Variants in MRC1 observed in about 807,000 individuals in gnomAD.
MRC1 encodes mannose receptor C-type 1.
MRC1 carries 62 observed loss-of-function variants against 102.9 expected under a neutral mutation model. That is an observed-to-expected ratio of 0.60 (90% CI 0.49 to 0.74). The LOEUF (loss-of-function observed/expected upper bound fraction) is 0.74. MRC1 is among the 30% of genes least tolerant of loss of function. The pLI is 0.00. For missense variants in MRC1, 1,237 were observed against 862.8 expected (o/e 1.43, Z -5.43); for synonymous variants, 457 against 298.4 (o/e 1.53, Z -5.48).
At chr10:17,814,081 G>T (rs1838269178) in intron 1 of MRC1, among the ~76,000 whole-genome samples, 1 of 152,040 alleles carries the variant, frequency 6.6e-6, no homozygotes. Flanking sequence ...TAGACCTCAG[G>T]GACCCATAGC....
chr10:17,863,765 C>A, intron 11 of MRC1, 83 bp downstream of exon 11: 1 of 721,838 alleles, frequency 1.4e-6, no homozygotes. Flanking sequence ...GGTATCTCTG[C>A]AAATAGACTA....
rs993837634 is a variant in MRC1 at position 17,889,606 on chromosome 10, T to C, written c.3147+4171T>C. On this transcript the variant is annotated intron_variant, in intron 22 of 29. Transcript: ENST00000569591. Reference sequence around the variant, plus strand: ...AACAAACTTTCTTTAGTGGTTGCTCTTGAGTTTGCAGTATATATTTACAAC... The same window carrying C: ...AACAAACTTTCTTTAGTGGTTGCTCCTGAGTTTGCAGTATATATTTACAAC... Among the ~76,000 whole-genome samples the C allele has an allele frequency of 2.2e-3, 329 of 152,326 alleles. 1 individual carries two copies. Among genetic ancestry groups the C allele is most frequent in the African/African-American group, 7.4e-3 (308 of 41,574 alleles).
chr10:17,903,703 T>G (rs1443245394), intron 26 of MRC1, among the ~76,000 whole-genome samples: 2 of 152,164 alleles, frequency 1.3e-5, no homozygotes, highest in African/African-American at 4.8e-5. Flanking sequence ...GCCTCCATTT[T>G]AATTTTCTTG....
chr10:17,897,908 A>G, intron 23 of MRC1, 126 bp from the exon 24 acceptor site: 2 of 748,332 alleles, frequency 2.7e-6, no homozygotes, highest in Non-Finnish European at 4.9e-6. Context: ...AATATTTCTA[A>G]CAGCTGAATG....
chr10:17,894,159 A>G (rs1033421781), intron 22 of MRC1, 51 bp from the exon 23 acceptor site: 22 of 865,422 alleles, frequency 2.5e-5, no homozygotes, highest in African/African-American at 4.9e-5. Flanking sequence ...ATTGATTTCA[A>G]TAGTCGTTGA....
At chr10:17,868,660 T>C (rs1452570484) in intron 12 of MRC1, among the ~76,000 whole-genome samples, 9 of 152,224 alleles carry the variant, frequency 5.9e-5, no homozygotes, top group Non-Finnish European at 1.2e-4. Flanking sequence ...CATATGGCCA[T>C]GACATGCCCT....
chr10:17,877,670 G>A (rs888976022), intron 17 of MRC1, among the ~76,000 whole-genome samples: 12 of 151,932 alleles, frequency 7.9e-5, no homozygotes, highest in Non-Finnish European at 1.5e-4. Flanking sequence ...CAGGATTGTA[G>A]GACTATGCAT....
chr10:17,890,895 A>G (rs1475639314), intron 22 of MRC1, among the ~76,000 whole-genome samples: 3 of 152,078 alleles, frequency 2.0e-5, no homozygotes, highest in Non-Finnish European at 4.4e-5. Context: ...CGTCACTCGC[A>G]TCACTGCCTG....
chr10:17,887,969 A>AT (rs1317987613), intron 22 of MRC1, among the ~76,000 whole-genome samples: 4 of 151,670 alleles, frequency 2.6e-5, no homozygotes, highest in Non-Finnish European at 4.4e-5. Context: ...CACCTGGCTA[A>AT]TTTTTTTTGT....
intron 4 of MRC1, among the ~76,000 whole-genome samples, chr10:17,836,861 T>TA (rs1289660450): frequency 4.0e-5 from 6 of 151,268 alleles, no homozygotes; most frequent in East Asian, 1.9e-4. Context: ...AATAAAAATT[T>TA]AAAAAAAAAG....
chr10:17,898,311 A>G (rs948322591), intron 24 of MRC1, 45 bp downstream of exon 24: 66 of 780,590 alleles, frequency 8.5e-5, no homozygotes, highest in African/African-American at 3.4e-5. Context: ...TCAGTGAATT[A>G]TGGTTGAATA....
At chr10:17,809,970 G>A (rs886308187) in intron 1 of MRC1, among the ~76,000 whole-genome samples, 10,928 of 152,192 alleles carry the variant, frequency 0.072, 497 homozygotes, top group Non-Finnish European at 0.098. Flanking sequence ...TCTTAGGTCC[G>A]AGGGTATCAT....
intron 26 of MRC1, among the ~76,000 whole-genome samples, chr10:17,904,697 A>G (rs2130722550): frequency 6.6e-6 from 1 of 152,268 alleles, no homozygotes; most frequent in Non-Finnish European, 1.5e-5. Context: ...AGCAGTTACA[A>G]ACTGCCTTAG....
intron 9 of MRC1, among the ~76,000 whole-genome samples, chr10:17,860,788 C>A (rs1250266370): frequency 6.6e-6 from 1 of 152,148 alleles, no homozygotes; most frequent in African/African-American, 2.4e-5. Context: ...TGTTCAGTTT[C>A]CTCAGTAAAC....
At chr10:17,871,243 T>C (rs1160331136) in intron 14 of MRC1, among the ~76,000 whole-genome samples, 1 of 152,208 alleles carries the variant, frequency 6.6e-6, no homozygotes, top group Non-Finnish European at 1.5e-5. Flanking sequence ...GAAGCCCTAG[T>C]CGTCACAAGA....
chr10:17,890,407 ACTT>A (rs1482420099), intron 22 of MRC1, among the ~76,000 whole-genome samples: 1 of 152,126 alleles, frequency 6.6e-6, no homozygotes, highest in African/African-American at 2.4e-5. Context: ...TTCAAATTAT[ACTT>A]CTTCTGTTCC....
intron 1 of MRC1, among the ~76,000 whole-genome samples, chr10:17,818,417 T>C (rs1268447821): frequency 6.6e-6 from 1 of 152,202 alleles, no homozygotes; most frequent in Non-Finnish European, 1.5e-5. Flanking sequence ...GGACAGAACA[T>C]TAGTAAACAA....
intron 8 of MRC1, among the ~76,000 whole-genome samples, chr10:17,855,800 A>T (rs1833081078): frequency 6.6e-6 from 1 of 152,138 alleles, no homozygotes; most frequent in Admixed American, 6.5e-5. Context: ...TCCTTTCAGT[A>T]GATGCCGTTT....
rs782441396 is a variant in MRC1 at position 17,863,694 on chromosome 10, G to A, written c.1783+12G>A. On this transcript the variant is annotated intron_variant, in intron 11 of 29. Transcript: ENST00000569591. The stretch of plus-strand genomic sequence containing the variant: ...TTCAGATATGCCAGGTACGGGCAGC[G>A]CTTAGGTTGAGGGTTGCTTTCACCC... The A allele has an allele frequency of 1.2e-5, 9 of 780,542 alleles. No homozygotes were observed. The highest frequency in any genetic ancestry group is 2.3e-4 in the Middle Eastern group (1 of 4,434). The allele number at this position is 780,542 out of a possible 1,614,324, so 48.4% of individuals were successfully genotyped here. A position where few individuals can be genotyped will look rare whatever the true frequency, so the allele number is the denominator to read the frequency against.
Sources: gnomAD v4.1 joint callset for allele counts (sites outside exome capture counted in the v4.1 genomes callset) on GRCh38, gnomAD v4.1.1 for gene constraint, MANE v1.5 for transcripts, NCBI Gene and HGNC (gene_info 2026-07-23, HGNC 2026-07-21) for gene names.